The following N4BP2 variants were observed in gnomAD, a reference collection of about 807,000 sequenced individuals.
The protein encoded by N4BP2 is NEDD4-binding protein 2.
N4BP2 carries 91 observed loss-of-function variants against 152.8 expected under a neutral mutation model. The observed-to-expected ratio is 0.60, with a 90% CI of 0.50 to 0.71. The LOEUF is 0.71. Ranked by LOEUF, N4BP2 falls within the 30% of genes least tolerant of loss-of-function variation. The pLI, the probability that N4BP2 is intolerant of heterozygous loss-of-function variation, is 0.00. For missense variants in N4BP2, 1,923 were observed against 2,059.1 expected (o/e 0.93, Z 1.28); for synonymous variants, 646 against 705.3 (o/e 0.92, Z 1.33).
downstream of N4BP2, among the ~76,000 whole-genome samples, chr4:40,158,673 C>T (rs1721773416): frequency 6.6e-6 from 1 of 151,850 alleles, no homozygotes; most frequent in Admixed American, 6.6e-5. Context: ...ACCTGTAATC[C>T]CAGGCATGAG....
At chr4:40,136,162 A>T (rs1192425597) in intron 13 of N4BP2, among the ~76,000 whole-genome samples, 2 of 152,144 alleles carry the variant, frequency 1.3e-5, no homozygotes, top group African/African-American at 4.8e-5. Context: ...CTAAAATCCC[A>T]TGGTAAAAGT....
rs1250366412 is a variant in N4BP2, at chr4:40,102,096, T to C, written c.251T>C (p.Leu84Pro). ...DFKVENAMDC[L>P]LELSATDTKI... ...ACAGTTGAAAATGCTATGGATTGTC[T>C]ATTAGAATTATCTGCCACTGATACC... is the stretch of plus-strand genomic sequence containing the variant. Residue 84 changes from leucine to proline, a missense_variant, in exon 4 of 18, where the codon CTA becomes CCA. Physicochemically the swap from Leu to Pro is moderately conservative, Grantham distance 98 (BLOSUM62 -3). Coordinates refer to ENST00000261435, the MANE Select transcript of N4BP2 (RefSeq NM_018177.6). 19 of 1,603,460 alleles carry C rather than the reference T, an allele frequency of 1.2e-5. No homozygotes were observed. The highest frequency in any genetic ancestry group is 1.6e-5 in the Non-Finnish European group (19 of 1,175,144).
chr4:40,129,036 T>G (rs1428758763), intron 12 of N4BP2, among the ~76,000 whole-genome samples: 1 of 151,990 alleles, frequency 6.6e-6, no homozygotes, highest in Non-Finnish European at 1.5e-5. Flanking sequence ...TATCAGTGAT[T>G]TTTGCTTGTT....
chr4:40,149,847 A>C (rs1720976500), intron 16 of N4BP2, among the ~76,000 whole-genome samples: 1 of 151,360 alleles, frequency 6.6e-6, no homozygotes, highest in Non-Finnish European at 1.5e-5. Context: ...CAATGAGCCG[A>C]GATCGAGCCA....
the N4BP2 span, among the ~76,000 whole-genome samples, chr4:40,182,390 T>A: frequency 6.6e-6 from 1 of 152,140 alleles, no homozygotes; most frequent in African/African-American, 2.4e-5. Flanking sequence ...GCCAAATAGA[T>A]CCTTGTATTT....
the N4BP2 span, among the ~76,000 whole-genome samples, chr4:40,179,966 G>A: frequency 6.6e-6 from 1 of 151,876 alleles, no homozygotes; most frequent in African/African-American, 2.4e-5. Flanking sequence ...GTTTCTCCAT[G>A]TTGGTCAGGC....
chr4:40,102,120 C>T lies in N4BP2; in HGVS notation c.275C>T (p.Thr92Ile), dbSNP rs1215262395. The T allele has an allele frequency of 5.0e-6, 8 of 1,611,360 alleles. No homozygotes were observed. The highest frequency in any genetic ancestry group is 5.1e-6 in the Non-Finnish European group (6 of 1,178,896). The change falls in exon 4 of 18, where the codon ACC becomes ATC. Residue 92 changes from threonine to isoleucine, a missense_variant. Transcript: ENST00000261435. Reference sequence around the variant, plus strand: ...CTATTAGAATTATCTGCCACTGATACCAAGATAGAAGAATCATCTTCACAA... The same window carrying T: ...CTATTAGAATTATCTGCCACTGATATCAAGATAGAAGAATCATCTTCACAA... The part of the protein sequence containing the change: ...DCLLELSATD[T>I]KIEESSSQSF...
At chr4:40,059,020 C>T (rs1363256972) in intron 1 of N4BP2, among the ~76,000 whole-genome samples, 2 of 152,088 alleles carry the variant, frequency 1.3e-5, no homozygotes, top group African/African-American at 2.4e-5. Flanking sequence ...GAGGTTTCGC[C>T]ATGTTGCCCA....
Position 40,153,353 on chromosome 4 carries a change from G to A in N4BP2, c.5267+450G>A, listed in dbSNP as rs553349136. On this transcript the variant is annotated intron_variant, in intron 17 of 17. Transcript: ENST00000261435. ...GTATTTGTGGATTTTGGATGGAATT[G>A]GGTGGCTTCTATTGAAATATAGTTA... Among the ~76,000 whole-genome samples, 99 of 152,270 alleles carry A rather than the reference G, an allele frequency of 6.5e-4. 1 individual carries two copies. Among genetic ancestry groups the A allele is most frequent in the Admixed American group, 3.6e-3 (55 of 15,302 alleles).
At chr4:40,176,791 G>C in the N4BP2 span, among the ~76,000 whole-genome samples, 2 of 152,192 alleles carry the variant, frequency 1.3e-5, no homozygotes, top group African/African-American at 4.8e-5. Flanking sequence ...GTGGAGCCTC[G>C]GGAAGTTCAT....
intron 2 of N4BP2, among the ~76,000 whole-genome samples, chr4:40,081,111 C>T (rs1341157242): frequency 6.6e-6 from 1 of 151,890 alleles, no homozygotes; most frequent in East Asian, 1.9e-4. Context: ...AGAGGGAAGT[C>T]CATGATTCAC....
intron 16 of N4BP2, among the ~76,000 whole-genome samples, chr4:40,150,336 C>A (rs1382091902): frequency 6.6e-6 from 1 of 152,162 alleles, no homozygotes; most frequent in Non-Finnish European, 1.5e-5. Context: ...TGTTAAACAA[C>A]ACCATGGGGA....
intron 13 of N4BP2, among the ~76,000 whole-genome samples, chr4:40,134,539 C>T (rs1719180577): frequency 6.6e-6 from 1 of 152,168 alleles, no homozygotes; most frequent in South Asian, 2.1e-4. Flanking sequence ...AGCTCAGTTA[C>T]TACAGTATGT....
intron 1 of N4BP2, among the ~76,000 whole-genome samples, chr4:40,063,289 T>C (rs1471184212): frequency 6.6e-6 from 1 of 152,238 alleles, no homozygotes; most frequent in African/African-American, 2.4e-5. Flanking sequence ...AGGATGGCCA[T>C]GAAGAGCTAG....
chr4:40,122,367 T>G (rs1238458828), intron 9 of N4BP2, 58 bp downstream of exon 9: 7 of 1,215,232 alleles, frequency 5.8e-6, no homozygotes, highest in Non-Finnish European at 7.8e-6. Context: ...TACAGAGGGT[T>G]CTATTTTGTA....
chr4:40,058,256 A>G (rs779505195), intron 1 of N4BP2, among the ~76,000 whole-genome samples: 47 of 152,284 alleles, frequency 3.1e-4, no homozygotes, highest in Admixed American at 6.5e-4. Context: ...CTCATCCTTT[A>G]ATTTTAACTA....
the N4BP2 span, among the ~76,000 whole-genome samples, chr4:40,164,652 GAGAT>G: frequency 6.6e-6 from 1 of 152,194 alleles, no homozygotes; most frequent in African/African-American, 2.4e-5. Flanking sequence ...CTGGAGAGAC[GAGAT>G]AGATAGGGTC....
chr4:40,121,253 G>A lies in N4BP2; in HGVS notation c.3142G>A (p.Gly1048Arg), dbSNP rs1332175597. The A allele has an allele frequency of 6.2e-7, 1 of 1,613,094 alleles. No individual in the cohort carries two copies. Among genetic ancestry groups the A allele is most frequent in the Non-Finnish European group, 8.5e-7 (1 of 1,179,786 alleles). The part of the protein sequence containing the change: ...SIKVLTGRLD[G>R]FKPKVFNINT... ...CAAAGTATTAACAGGAAGATTAGAT[G>A]GATTTAAGCCGAAAGTTTTCAATAT... The change falls in exon 9 of 18, where the codon GGA becomes AGA. Residue 1048 changes from glycine to arginine, a missense_variant. By Grantham distance (125) the Gly-to-Arg change is moderately radical. Coordinates refer to ENST00000261435, the MANE Select transcript of N4BP2 (RefSeq NM_018177.6).
chr4:40,174,761 C>A, the N4BP2 span, among the ~76,000 whole-genome samples: 1 of 152,112 alleles, frequency 6.6e-6, no homozygotes, highest in Non-Finnish European at 1.5e-5. Flanking sequence ...GAGATCGCGC[C>A]ACTGCACTCC....
Sources: allele counts gnomAD v4.1 joint callset (sites outside exome capture counted in the v4.1 genomes callset), GRCh38; gene constraint gnomAD v4.1.1; transcripts MANE v1.5; gene names NCBI Gene and HGNC (gene_info 2026-07-23, HGNC 2026-07-21).